The following CEP152 variants were observed in gnomAD, a reference collection of about 807,000 sequenced individuals.
The protein encoded by CEP152 is centrosomal protein of 152 kDa.
Under a neutral mutation model 188.9 loss-of-function variants are expected in CEP152, and 132 were observed. That is an observed-to-expected ratio of 0.70 (90% CI 0.61 to 0.81). The LOEUF is 0.81. Among genes scored for constraint, CEP152 ranks in the 30% least tolerant of loss-of-function variants. The pLI is 0.00. For missense variants in CEP152, 1,914 were observed against 1,969.8 expected, an observed-to-expected ratio of 0.97 and a Z score of 0.54; for synonymous variants, 649 against 666.6, an observed-to-expected ratio of 0.97 and a Z score of 0.41.
chr15:48,801,471 A>G (rs1300390285), intron 2 of CEP152, among the ~76,000 whole-genome samples: 2 of 152,166 alleles, frequency 1.3e-5, no homozygotes, highest in Non-Finnish European at 2.9e-5. Flanking sequence ...TACCTAAACC[A>G]TCTACCTTTC....
rs1240554161 is a variant in CEP152 at position 48,772,407 on chromosome 15, T to C, written c.1782+80A>G. 1.2e-5 allele frequency: 14 copies of C among 1,208,912 alleles called. 1 individual carries two copies. Among genetic ancestry groups the C allele is most frequent in the African/African-American group, 9.1e-5 (6 of 66,138 alleles). The allele number at this position is 1,208,912 out of a possible 1,614,324, so 74.9% of individuals were successfully genotyped here. ...GCCTGGAAGACAGAGTGACGCCCTG[T>C]CTCAAAAAAAAAAAAGTGTAAAAGT... On this transcript the variant is annotated intron_variant, in intron 13 of 26. Transcript: ENST00000380950.
chr15:48,796,099 G>GA lies in CEP152; in HGVS notation c.601dup (p.Ser201PhefsTer5), dbSNP rs750345694. On this transcript the variant is annotated frameshift_variant, in exon 6 of 27. Coordinates refer to ENST00000380950, the MANE Select transcript of CEP152 (RefSeq NM_001194998.2). LOFTEE classifies it high-confidence loss of function. ...GGCTGGTGAGCCATTATTCTGGGCA[G>GA]AAGACTGATAAGGTTTATATGTCAC... The GA allele has an allele frequency of 6.2e-7, 1 of 1,613,876 alleles. No individual in the cohort carries two copies. The highest frequency in any genetic ancestry group is 8.5e-7 in the Non-Finnish European group (1 of 1,179,846).
intron 17 of CEP152, among the ~76,000 whole-genome samples, chr15:48,766,809 G>A (rs1370708413): frequency 3.4e-5 from 5 of 145,710 alleles, no homozygotes; most frequent in Admixed American, 2.7e-4. Context: ...TTGCCCTTTA[G>A]AATAAATCTG....
At chr15:48,797,605 A>G in intron 4 of CEP152, 26 bp from the exon 5 acceptor site, 1 of 1,614,104 alleles carries the variant, frequency 6.2e-7, no homozygotes, top group Non-Finnish European at 8.5e-7. Context: ...AGTAAAACAA[A>G]AGCACGAAGA....
chr15:48,766,757 G>C (rs952118995), intron 17 of CEP152, among the ~76,000 whole-genome samples: 1 of 150,362 alleles, frequency 6.7e-6, no homozygotes, highest in African/African-American at 2.4e-5. Context: ...ATGAGGATCT[G>C]TGATTTTCAG....
chr15:48,781,100 G>T, intron 12 of CEP152, 96 bp downstream of exon 12: 1 of 1,101,898 alleles, frequency 9.1e-7, no homozygotes, highest in Non-Finnish European at 1.4e-6. Flanking sequence ...GTTAACATAT[G>T]AAAATAATAC....
intron 9 of CEP152, 37 bp from the exon 10 acceptor site, chr15:48,784,157 AAG>A (rs749682783): frequency 6.3e-7 from 1 of 1,588,158 alleles, no homozygotes; most frequent in South Asian, 1.1e-5. Context: ...CATTTTCATA[AAG>A]AGTTTTAATA....
chr15:48,734,951 C>T (rs1314308978), downstream of CEP152, among the ~76,000 whole-genome samples: 1 of 152,152 alleles, frequency 6.6e-6, no homozygotes, highest in Admixed American at 6.5e-5. Flanking sequence ...CTCTTAATAA[C>T]CAGTTGAACA....
rs1417762104 is a variant in CEP152 at position 48,738,182 on chromosome 15, C to T, written c.*67G>A. The T allele has an allele frequency of 3.4e-6, 5 of 1,476,354 alleles. No homozygotes were observed. Among genetic ancestry groups the T allele is most frequent in the Admixed American group, 2.5e-5 (1 of 40,166 alleles). 91.5% of individuals were successfully genotyped at this position (1,476,354 alleles called of 1,614,324 possible). A position where few individuals can be genotyped will look rare whatever the true frequency, so the allele number is the denominator to read the frequency against. On this transcript the variant is annotated 3_prime_UTR_variant, in exon 27 of 27. Transcript: ENST00000380950. ...AAGAGGCAGGGCTCACAATTTTTTT[C>T]AGTATGAGGTCTTCCCTTCCATTTT...
intron 2 of CEP152, 95 bp from the exon 3 acceptor site, chr15:48,798,146 T>A (rs574702275): frequency 2.0e-4 from 173 of 844,752 alleles, no homozygotes; most frequent in Non-Finnish European, 3.1e-4. Context: ...ACTGTAGAGG[T>A]CAAAGAAGTT....
intron 1 of CEP152, chr15:48,810,752 A>T (rs1898279452): frequency 6.6e-6 from 1 of 152,330 alleles, no homozygotes; most frequent in Non-Finnish European, 1.5e-5. Context: ...GGCTTCCCAT[A>T]TGTCACTTCT....
At chr15:48,765,046 A>G (rs1446418662) in intron 17 of CEP152, among the ~76,000 whole-genome samples, 1 of 152,130 alleles carries the variant, frequency 6.6e-6, no homozygotes, top group Non-Finnish European at 1.5e-5. Flanking sequence ...TGAGAAGATT[A>G]GACAGTCTCC....
intron 24 of CEP152, among the ~76,000 whole-genome samples, chr15:48,743,004 A>C (rs1893107320): frequency 6.6e-6 from 1 of 152,230 alleles, no homozygotes; most frequent in Non-Finnish European, 1.5e-5. Context: ...AATGCAGTAC[A>C]TGTCAAAACA....
chr15:48,735,510 G>C (rs1049804467), downstream of CEP152, among the ~76,000 whole-genome samples: 1 of 152,130 alleles, frequency 6.6e-6, no homozygotes, highest in Non-Finnish European at 1.5e-5. Context: ...GGAGGTGGGC[G>C]GATCACTTGA....
At chr15:48,757,907 G>A (rs1187892925) in intron 19 of CEP152, among the ~76,000 whole-genome samples, 3 of 152,342 alleles carry the variant, frequency 2.0e-5, no homozygotes, top group African/African-American at 7.2e-5. Flanking sequence ...TCGGATAGAG[G>A]TGATGGATTC....
At chr15:48,777,155 A>G (rs1297505558) in intron 12 of CEP152, among the ~76,000 whole-genome samples, 1 of 152,122 alleles carries the variant, frequency 6.6e-6, no homozygotes, top group Non-Finnish European at 1.5e-5. Flanking sequence ...TTGGGATCCC[A>G]GAACAGAAAA....
intron 8 of CEP152, among the ~76,000 whole-genome samples, chr15:48,789,701 C>A (rs867861146): frequency 1.3e-5 from 2 of 152,196 alleles, no homozygotes; most frequent in South Asian, 2.1e-4. Context: ...ACCAGAGAGA[C>A]TCAATCAGCC....
intron 19 of CEP152, among the ~76,000 whole-genome samples, chr15:48,758,285 C>G (rs1249202894): frequency 6.6e-6 from 1 of 152,206 alleles, no homozygotes; most frequent in African/African-American, 2.4e-5. Flanking sequence ...GCTATGGAAC[C>G]GGCCCTTTCT....
At chr15:48,785,070 A>G (rs1257465287) in intron 9 of CEP152, among the ~76,000 whole-genome samples, 1 of 152,176 alleles carries the variant, frequency 6.6e-6, no homozygotes, top group Non-Finnish European at 1.5e-5. Flanking sequence ...AGAAAATAAG[A>G]AATAAGAAGA....
Sources: gnomAD v4.1 joint callset for allele counts (sites outside exome capture counted in the v4.1 genomes callset) on GRCh38, gnomAD v4.1.1 for gene constraint, MANE v1.5 for transcripts, NCBI Gene and HGNC (gene_info 2026-07-23, HGNC 2026-07-21) for gene names.